SIPA1L1: variants seen among roughly 807,000 people sequenced by gnomAD.
SIPA1L1 encodes signal induced proliferation associated 1 like 1.
In SIPA1L1, 26 loss-of-function variants were observed where a neutral mutation model predicts 162.7. The observed-to-expected ratio is 0.16, with a 90% confidence interval of 0.12 to 0.22. SIPA1L1 has a LOEUF of 0.22. SIPA1L1 is among the 10% of genes least tolerant of loss of function. The pLI is 1.00. For synonymous variants in SIPA1L1, 829 were observed against 837.4 expected, an observed-to-expected ratio of 0.99 and a Z score of 0.17; for missense variants, 1,874 against 2,241.0, an observed-to-expected ratio of 0.84 and a Z score of 3.31.
At chr14:71,559,876 G>A (rs888266889) in intron 4 of SIPA1L1, among the ~76,000 whole-genome samples, 1 of 151,694 alleles carries the variant, frequency 6.6e-6, no homozygotes, top group African/African-American at 2.4e-5. Context: ...TACTGAACTG[G>A]ACTTGACATG....
chr14:71,733,948 T>C (rs1316554500), intron 21 of SIPA1L1, 136 bp downstream of exon 21: 8 of 923,334 alleles, frequency 8.7e-6, no homozygotes, highest in African/African-American at 1.7e-5. Flanking sequence ...GAGCATTCAG[T>C]AGGGACCAGA....
chr14:71,707,163 C>CCTTCT (rs561321448), intron 16 of SIPA1L1, among the ~76,000 whole-genome samples: 1 of 151,718 alleles, frequency 6.6e-6, no homozygotes, highest in African/African-American at 2.4e-5. Flanking sequence ...ACACACAGTT[C>CCTTCT]CTTCTCTTCT....
At chr14:71,491,795 C>CACACAT in intron 2 of SIPA1L1, among the ~76,000 whole-genome samples, 1 of 151,674 alleles carries the variant, frequency 6.6e-6, no homozygotes, top group Admixed American at 6.6e-5. Flanking sequence ...CACACACACA[C>CACACAT]ACACACACAC....
chr14:71,387,180 G>A (rs2040391892), intron 2 of SIPA1L1, among the ~76,000 whole-genome samples: 2 of 149,070 alleles, frequency 1.3e-5, no homozygotes, highest in African/African-American at 4.9e-5. Context: ...TCTGGGAGGT[G>A]GAGGTTGCAG....
chr14:71,590,037 AAAAAAAAATATATATATATAT>A (rs2035125070), intron 5 of SIPA1L1, among the ~76,000 whole-genome samples: 1 of 73,662 alleles, frequency 1.4e-5, no homozygotes, highest in African/African-American at 5.7e-5. Flanking sequence ...AAAAAAAAAA[AAAAAAAAATATATATATATAT>A]ATATATATAT....
intron 4 of SIPA1L1, among the ~76,000 whole-genome samples, chr14:71,538,621 G>A (rs1307438123): frequency 6.6e-6 from 1 of 152,178 alleles, no homozygotes; most frequent in Non-Finnish European, 1.5e-5. Flanking sequence ...TAGCGGCAGG[G>A]TCATGGTGCT....
At chr14:71,477,970 A>G (rs2048019157) in intron 2 of SIPA1L1, among the ~76,000 whole-genome samples, 1 of 152,168 alleles carries the variant, frequency 6.6e-6, no homozygotes, top group South Asian at 2.1e-4. Flanking sequence ...TTCCATTTAC[A>G]CCAGCAATGT....
chr14:71,481,614 C>T (rs1159569055), intron 2 of SIPA1L1, among the ~76,000 whole-genome samples: 1 of 152,188 alleles, frequency 6.6e-6, no homozygotes, highest in African/African-American at 2.4e-5. Flanking sequence ...ATTATCCAGA[C>T]AGCTGGTGAA....
intron 3 of SIPA1L1, among the ~76,000 whole-genome samples, chr14:71,519,880 T>A (rs1206939874): frequency 6.6e-6 from 1 of 152,118 alleles, no homozygotes; most frequent in African/African-American, 2.4e-5. Context: ...TGATTAATTA[T>A]AGTAAACAAT....
intron 5 of SIPA1L1, among the ~76,000 whole-genome samples, chr14:71,608,080 C>A (rs1358146653): frequency 6.6e-6 from 1 of 152,206 alleles, no homozygotes; most frequent in Non-Finnish European, 1.5e-5. Context: ...AATGGAGCTC[C>A]CTCCTCTGTA....
Position 71,741,020 on chromosome 14 carries a change from A to G in SIPA1L1, c.*1859A>G, listed in dbSNP as rs1366141292. The G allele has an allele frequency of 2.6e-5, 4 of 152,202 alleles. No individual in the cohort carries two copies. The highest frequency in any genetic ancestry group is 6.5e-5 in the Admixed American group (1 of 15,272). The allele number at this position is 152,202 out of a possible 1,614,324, so 9.4% of individuals were successfully genotyped here. A position where few individuals can be genotyped will look rare whatever the true frequency, so the allele number is the denominator to read the frequency against. On this transcript the variant is annotated 3_prime_UTR_variant, in exon 24 of 24. Transcript: ENST00000381232. ...CTACCTGTAAAATTCAAAGAATAAA[A>G]TTCATTTTAAACGCTCTTTTAAAAC...
intron 5 of SIPA1L1, among the ~76,000 whole-genome samples, chr14:71,601,997 C>G (rs556443401): frequency 4.7e-4 from 68 of 144,376 alleles, no homozygotes; most frequent in South Asian, 1.5e-3. Context: ...TTGTATTTGT[C>G]TTTTCAAAAA....
chr14:71,413,571 C>T (rs2042557033), intron 2 of SIPA1L1, among the ~76,000 whole-genome samples: 1 of 152,144 alleles, frequency 6.6e-6, no homozygotes, highest in Non-Finnish European at 1.5e-5. Context: ...AACCCCGTCT[C>T]TGCTAAAAAC....
intron 2 of SIPA1L1, among the ~76,000 whole-genome samples, chr14:71,420,106 A>T (rs989796472): frequency 7.2e-5 from 11 of 152,322 alleles, no homozygotes; most frequent in Admixed American, 2.0e-4. Flanking sequence ...CCCTGGATTT[A>T]TTAGTGGAAA....
At chr14:71,493,014 C>T (rs2049414784) in intron 2 of SIPA1L1, among the ~76,000 whole-genome samples, 1 of 152,106 alleles carries the variant, frequency 6.6e-6, no homozygotes, top group Non-Finnish European at 1.5e-5. Context: ...AACTGTTCTC[C>T]AATTTCCAAA....
intron 2 of SIPA1L1, among the ~76,000 whole-genome samples, chr14:71,357,148 A>G (rs1415828381): frequency 2.6e-5 from 4 of 151,894 alleles, no homozygotes; most frequent in African/African-American, 7.3e-5. Context: ...TCAAACTCCT[A>G]TGCTTAAGCT....
chr14:71,591,910 A>G (rs1267388177), intron 5 of SIPA1L1, among the ~76,000 whole-genome samples: 1 of 152,192 alleles, frequency 6.6e-6, no homozygotes, highest in African/African-American at 2.4e-5. Context: ...TTAAGTTTGT[A>G]TAAAGCCTTA....
intron 2 of SIPA1L1, among the ~76,000 whole-genome samples, chr14:71,447,192 GCA>G (rs1313080112): frequency 6.6e-6 from 1 of 151,846 alleles, no homozygotes. Context: ...GGCATTACAG[GCA>G]TGAGCCACCA....
At chr14:71,705,837 C>G (rs2082399078) in intron 16 of SIPA1L1, among the ~76,000 whole-genome samples, 1 of 152,032 alleles carries the variant, frequency 6.6e-6, no homozygotes, top group Non-Finnish European at 1.5e-5. Context: ...CATCCTTTCG[C>G]TATAGTAATA....
Sources: allele counts gnomAD v4.1 joint callset (sites outside exome capture counted in the v4.1 genomes callset), GRCh38; gene constraint gnomAD v4.1.1; transcripts MANE v1.5; gene names NCBI Gene and HGNC (gene_info 2026-07-23, HGNC 2026-07-21).